The following PLCB4 variants were observed in gnomAD, a reference collection of about 807,000 sequenced individuals.
The protein encoded by PLCB4 is phospholipase C beta 4, also known as 1-phosphatidylinositol 4,5-bisphosphate phosphodiesterase beta-4.
A neutral mutation model predicts 178.8 loss-of-function variants in PLCB4; 77 were observed. The ratio of observed to expected loss-of-function variants is 0.43; its 90% CI spans 0.36 to 0.52. The LOEUF is 0.52. Ranked by LOEUF, PLCB4 falls within the 20% of genes least tolerant of loss-of-function variation. PLCB4 has a pLI of 0.00. For synonymous variants in PLCB4, 496 were observed against 490.8 expected (o/e 1.01, Z -0.14); for missense variants, 1,024 against 1,453.4 (o/e 0.70, Z 4.80).
chr20:9,313,588 G>T (rs552285135), intron 4 of PLCB4, among the ~76,000 whole-genome samples: 1 of 152,176 alleles, frequency 6.6e-6, no homozygotes, highest in Non-Finnish European at 1.5e-5. Flanking sequence ...CCAAGAAACC[G>T]ATTTCTGCAT....
At chr20:9,114,292 T>C (rs534467916) in intron 2 of PLCB4, among the ~76,000 whole-genome samples, 1 of 152,182 alleles carries the variant, frequency 6.6e-6, no homozygotes, top group African/African-American at 2.4e-5. Context: ...GGACTGTGCT[T>C]AATAAGGTGT....
chr20:9,415,986 G>T (rs1430014681), intron 25 of PLCB4, among the ~76,000 whole-genome samples: 1 of 152,162 alleles, frequency 6.6e-6, no homozygotes, highest in African/African-American at 2.4e-5. Context: ...ATGCTCCTTT[G>T]ACCTTCAAAG....
At chr20:9,129,697 G>A (rs548209838) in intron 2 of PLCB4, among the ~76,000 whole-genome samples, 1 of 152,256 alleles carries the variant, frequency 6.6e-6, no homozygotes, top group South Asian at 2.1e-4. Context: ...CCCCATTCAA[G>A]TGATGTTCCG....
rs1017157557 is a variant in PLCB4 at position 9,320,805 on chromosome 20, C to T, written c.84+12907C>T. Among the ~76,000 whole-genome samples the T allele has an allele frequency of 7.9e-5, 12 of 152,304 alleles. No individual in the cohort carries two copies. The East Asian group carries it at 2.1e-3, about 27-fold the overall frequency. On this transcript the variant is annotated intron_variant, in intron 4 of 39. Transcript: ENST00000378473. ...CTCCAAGTATGGTTTCAGACAGCAT[C>T]AGCAACATTTGTGAGCTTGCTAGAA...
chr20:9,355,662 T>G (rs1421728087), intron 7 of PLCB4, among the ~76,000 whole-genome samples: 1 of 152,012 alleles, frequency 6.6e-6, no homozygotes, highest in Non-Finnish European at 1.5e-5. Context: ...TTCCATGGTG[T>G]ATATGTGCCA....
intron 2 of PLCB4, among the ~76,000 whole-genome samples, chr20:9,114,780 T>A (rs1471747225): frequency 6.6e-6 from 1 of 152,192 alleles, no homozygotes; most frequent in Non-Finnish European, 1.5e-5. Context: ...AGGATTAACA[T>A]GGCTTCCTAA....
At chr20:9,161,894 TA>T (rs1364182971) in intron 2 of PLCB4, among the ~76,000 whole-genome samples, 3 of 152,162 alleles carry the variant, frequency 2.0e-5, no homozygotes, top group Non-Finnish European at 4.4e-5. Flanking sequence ...ATTAATAAAC[TA>T]AAATTAAATA....
chr20:9,380,804 A>T (rs1434016056), intron 13 of PLCB4, among the ~76,000 whole-genome samples: 1 of 152,132 alleles, frequency 6.6e-6, no homozygotes, highest in African/African-American at 2.4e-5. Flanking sequence ...TGGGAGGGAG[A>T]GCTGGGGGTA....
chr20:9,407,784 TA>T, intron 21 of PLCB4, 132 bp from the exon 22 acceptor site: 1 of 650,014 alleles, frequency 1.5e-6, no homozygotes, highest in East Asian at 2.8e-5. Context: ...TCCTTTAGCA[TA>T]ATTGAGGAAG....
intron 3 of PLCB4, among the ~76,000 whole-genome samples, chr20:9,280,198 G>C (rs962606626): frequency 6.6e-6 from 1 of 151,998 alleles, no homozygotes; most frequent in Non-Finnish European, 1.5e-5. Flanking sequence ...GATTAATAAG[G>C]TGCTTAGGTC....
At chr20:9,307,494 TACACAC>T (rs745918024) in intron 3 of PLCB4, among the ~76,000 whole-genome samples, 14,389 of 137,502 alleles carry the variant, frequency 0.1, 832 homozygotes, top group African/African-American at 0.15. Flanking sequence ...AAAAAAAGAA[TACACAC>T]ACACACACAC....
Position 9,468,664 on chromosome 20 carries a change from A to G in PLCB4, c.3342A>G (p.Glu1114=), listed in dbSNP as rs2043969444. ...SQDKSIKNKA[E]RERRVRELNS... is the part of the protein sequence containing the mutation. ...ATAAATCTATCAAGAATAAAGCAGAACGGGAAAGGTAAGTCTGAGAGTGTT... is the reference window on the plus strand; with the variant it reads ...ATAAATCTATCAAGAATAAAGCAGAGCGGGAAAGGTAAGTCTGAGAGTGTT... The change falls in exon 36 of 40, where the codon GAA becomes GAG. Residue 1114 remains glutamate, a synonymous_variant. Transcript: ENST00000378473. 3 of 1,587,844 alleles carry G rather than the reference A, an allele frequency of 1.9e-6. No homozygotes were observed. Among genetic ancestry groups the G allele is most frequent in the Admixed American group, 1.7e-5 (1 of 59,976 alleles).
intron 36 of PLCB4, among the ~76,000 whole-genome samples, chr20:9,469,660 T>G (rs745908216): frequency 3.3e-5 from 5 of 152,210 alleles, no homozygotes; most frequent in Non-Finnish European, 7.3e-5. Context: ...ACCACAGATT[T>G]GTCCCTCTTT....
intron 3 of PLCB4, among the ~76,000 whole-genome samples, chr20:9,242,502 C>A (rs567474651): frequency 2.6e-5 from 4 of 152,346 alleles, no homozygotes; most frequent in African/African-American, 9.6e-5. Flanking sequence ...GGGACCATTT[C>A]ATCTGGGGGA....
At chr20:9,197,820 C>A (rs1479150030) in intron 2 of PLCB4, among the ~76,000 whole-genome samples, 1 of 152,052 alleles carries the variant, frequency 6.6e-6, no homozygotes, top group Non-Finnish European at 1.5e-5. Flanking sequence ...TACTAAAATA[C>A]AAAAATTAGC....
chr20:9,135,120 A>G (rs2092355962), intron 2 of PLCB4, among the ~76,000 whole-genome samples: 1 of 152,102 alleles, frequency 6.6e-6, no homozygotes, highest in Non-Finnish European at 1.5e-5. Flanking sequence ...AATGATATAG[A>G]TAGTGCAACC....
In PLCB4 at chr20:9,395,633, T is replaced by G. The variant is rs2038516222; in HGVS notation, c.1510+15T>G. On this transcript the variant is annotated intron_variant, in intron 19 of 39. Coordinates refer to ENST00000378473, the MANE Select transcript of PLCB4 (RefSeq NM_001377142.1). ...GATCGAAAGTGGTGAGCTGTTTGCT[T>G]TTATTTTAAGTTACATGCTTTGAAA... 4 of 1,558,686 alleles carry G rather than the reference T, an allele frequency of 2.6e-6. No individual in the cohort carries two copies. Among genetic ancestry groups the G allele is most frequent in the Non-Finnish European group, 3.5e-6 (4 of 1,131,158 alleles).
intron 15 of PLCB4, among the ~76,000 whole-genome samples, chr20:9,388,092 G>A (rs1021963512): frequency 4.6e-5 from 7 of 152,086 alleles, no homozygotes; most frequent in Admixed American, 4.6e-4. Flanking sequence ...TGCAAAATTA[G>A]CTGGGCATGG....
intron 2 of PLCB4, among the ~76,000 whole-genome samples, chr20:9,160,630 G>C (rs567741909): frequency 3.3e-5 from 5 of 152,264 alleles, no homozygotes; most frequent in South Asian, 2.1e-4. Context: ...GGAGTGAGGA[G>C]CTGCTTTCTT....
Sources: gnomAD v4.1 joint callset for allele counts (sites outside exome capture counted in the v4.1 genomes callset) on GRCh38, gnomAD v4.1.1 for gene constraint, MANE v1.5 for transcripts, NCBI Gene and HGNC (gene_info 2026-07-23, HGNC 2026-07-21) for gene names.